Variants in NRDE2 observed in about 807,000 individuals in gnomAD.
NRDE2 encodes nuclear exosome regulator NRDE2.
Under a neutral mutation model 124.2 loss-of-function variants are expected in NRDE2, and 76 were observed. The observed-to-expected ratio is 0.61, with a 90% CI of 0.51 to 0.74. The LOEUF (loss-of-function observed/expected upper bound fraction) is 0.74. Ranked by LOEUF, NRDE2 falls within the 30% of genes least tolerant of loss-of-function variation. NRDE2 has a pLI of 0.00. For missense variants in NRDE2, 1,314 were observed against 1,417.3 expected (o/e 0.93, Z 1.17); for synonymous variants, 489 against 528.1 (o/e 0.93, Z 1.01).
intron 12 of NRDE2, chr14:90,279,598 C>T (rs544260002): frequency 1.1e-4 from 17 of 154,524 alleles, no homozygotes; most frequent in Non-Finnish European, 2.2e-4. Flanking sequence ...AAAGAGATGG[C>T]CAGGACTGTG....
chr14:90,271,925 G>A lies in NRDE2; in HGVS notation c.*6411C>T, dbSNP rs565423550. The A allele has an allele frequency of 3.5e-3, 491 of 142,254 alleles. No homozygotes were observed. Among genetic ancestry groups the A allele is most frequent in the Non-Finnish European group, 4.5e-3 (305 of 67,206 alleles). 8.8% of individuals were successfully genotyped at this position (142,254 alleles called of 1,614,324 possible). Reference sequence around the variant, plus strand: ...TTTTTTTTTTTTGAGGTAGAGTTTCGCTCGTTGCTCAGGCTAGAGTGCAGT... The same window carrying A: ...TTTTTTTTTTTTGAGGTAGAGTTTCACTCGTTGCTCAGGCTAGAGTGCAGT... On this transcript the variant is annotated 3_prime_UTR_variant, in exon 14 of 14. Transcript: ENST00000354366.
At chr14:90,304,512 G>A in intron 4 of NRDE2, 130 bp from the exon 5 acceptor site, 1 of 631,368 alleles carries the variant, frequency 1.6e-6, no homozygotes, top group Non-Finnish European at 2.7e-6. Context: ...CTCACCTTCA[G>A]ATTGTTTCTA....
chr14:90,303,911 G>T, intron 5 of NRDE2, 24 bp downstream of exon 5: 1 of 1,565,160 alleles, frequency 6.4e-7, no homozygotes, highest in Non-Finnish European at 8.7e-7. Context: ...TCTAAGGTAA[G>T]AGAATTGGGA....
intron 6 of NRDE2, 70 bp from the exon 7 acceptor site, chr14:90,301,442 A>C: frequency 1.3e-6 from 2 of 1,486,930 alleles, no homozygotes; most frequent in African/African-American, 2.8e-5. Flanking sequence ...TAACTTCTCA[A>C]AACAGGCAAT....
At position 90,268,658 on chromosome 14, in the gene NRDE2, C is replaced by G. The variant is rs559860358; in HGVS notation, c.*9678G>C. ...CTTGAGCACCCGCCCTGATCCAGGACCATCTGGACTCTAGGGACACAGTTG... is the reference window on the plus strand; with the variant it reads ...CTTGAGCACCCGCCCTGATCCAGGAGCATCTGGACTCTAGGGACACAGTTG... On this transcript the variant is annotated 3_prime_UTR_variant, in exon 14 of 14. Coordinates refer to ENST00000354366, the MANE Select transcript of NRDE2 (RefSeq NM_017970.4). 7 of 413,684 alleles carry G rather than the reference C, an allele frequency of 1.7e-5. No homozygotes were observed. Among genetic ancestry groups the G allele is most frequent in the Non-Finnish European group, 3.0e-5 (7 of 232,524 alleles). The allele number at this position is 413,684 out of a possible 1,614,324, so 25.6% of individuals were successfully genotyped here. A position where few individuals can be genotyped will look rare whatever the true frequency, so the allele number is the denominator to read the frequency against.
intron 4 of NRDE2, among the ~76,000 whole-genome samples, chr14:90,308,209 AACTG>A (rs1884688566): frequency 6.6e-6 from 1 of 152,170 alleles, no homozygotes; most frequent in Admixed American, 6.5e-5. Flanking sequence ...ATGGAGAAAA[AACTG>A]ACTGAGCTGA....
intron 13 of NRDE2, chr14:90,278,722 A>C: frequency 1.8e-6 from 1 of 540,694 alleles, no homozygotes. Context: ...CGTCGCCCTC[A>C]GTTTCACTTC....
In NRDE2 at chr14:90,279,146, G is replaced by A. The variant is rs750764430; in HGVS notation, c.3298-13C>T. ...TTCCTAAGGAAACCTGAGGTGAGGG[G>A]GAGAAAATACAAACATGATTAGTTG... On this transcript the variant is annotated splice_polypyrimidine_tract_variant and intron_variant, in intron 12 of 13. Coordinates refer to ENST00000354366, the MANE Select transcript of NRDE2 (RefSeq NM_017970.4). 9.4e-6 allele frequency: 15 copies of A among 1,594,394 alleles called. No homozygotes were observed. The highest frequency in any genetic ancestry group is 1.7e-6 in the Non-Finnish European group (2 of 1,162,074).
chr14:90,329,896 G>C (rs1229448817), intron 1 of NRDE2, among the ~76,000 whole-genome samples: 10 of 147,562 alleles, frequency 6.8e-5, no homozygotes, highest in Non-Finnish European at 4.5e-5. Context: ...AGCCTTCTTT[G>C]AACCTTCTAT....
intron 8 of NRDE2, 59 bp from the exon 9 acceptor site, chr14:90,292,931 A>G: frequency 4.6e-6 from 7 of 1,517,948 alleles, no homozygotes; most frequent in Non-Finnish European, 6.3e-6. Context: ...TCGCCACTCA[A>G]TCAGCCTGCT....
rs1595058850 is a variant in NRDE2, at chr14:90,288,998, G to T, written c.2377C>A (p.Leu793Ile). 1 of 1,613,548 alleles carries T rather than the reference G, an allele frequency of 6.2e-7. No individual in the cohort carries two copies. Among genetic ancestry groups the T allele is most frequent in the Middle Eastern group, 1.6e-4 (1 of 6,062 alleles). Residue 793 changes from leucine to isoleucine, a missense_variant, in exon 11 of 14, where the codon CTT becomes ATT. Transcript: ENST00000354366. ...TTTCTGGCATCCTCCGTGTTGCCAA[G>T]CAACCACTCCAGATGTGCATACTGC... is the stretch of plus-strand genomic sequence containing the variant. ...WKQYAHLEWLLGNTEDARKVF... is the reference protein window; with the variant it reads ...WKQYAHLEWLIGNTEDARKVF...
chr14:90,323,320 CAT>C (rs1260608977), intron 1 of NRDE2, among the ~76,000 whole-genome samples: 2 of 152,154 alleles, frequency 1.3e-5, no homozygotes, highest in South Asian at 2.1e-4. Flanking sequence ...TTCTATTACA[CAT>C]AGAGGGAGGA....
At chr14:90,300,137 C>A (rs2139686408) in intron 7 of NRDE2, among the ~76,000 whole-genome samples, 1 of 152,234 alleles carries the variant, frequency 6.6e-6, no homozygotes, top group South Asian at 2.1e-4. Flanking sequence ...GTTCTTATCA[C>A]AGAGGGTCTT....
In NRDE2 at chr14:90,312,512, G is replaced by A. The variant is rs772901284; in HGVS notation, c.439C>T (p.His147Tyr). 6.2e-7 allele frequency: 1 copy of A among 1,614,116 alleles called. No homozygotes were observed. The highest frequency in any genetic ancestry group is 1.1e-5 in the South Asian group (1 of 91,078). Reference protein sequence around the residue: ...QGNNAAADTGHRFVWLEDIQA... With the variant: ...QGNNAAADTGYRFVWLEDIQA... ...ATGTCCTCAAGCCAAACAAAGCGATGTCCAGTATCAGCTGCAGCATTATTT... is the reference window on the plus strand; with the variant it reads ...ATGTCCTCAAGCCAAACAAAGCGATATCCAGTATCAGCTGCAGCATTATTT... The change falls in exon 4 of 14, where the codon CAT becomes TAT. Residue 147 changes from histidine to tyrosine, a missense_variant. Physicochemically the swap from His to Tyr is moderately conservative, Grantham distance 83. Transcript: ENST00000354366.
chr14:90,289,831 G>C (rs1188515000), intron 10 of NRDE2, among the ~76,000 whole-genome samples: 1 of 152,134 alleles, frequency 6.6e-6, no homozygotes, highest in Non-Finnish European at 1.5e-5. Flanking sequence ...CAGGTGATCC[G>C]CCCGCCTCGG....
chr14:90,298,724 G>GGTTACAAA (rs1884276339), intron 7 of NRDE2, among the ~76,000 whole-genome samples: 1 of 152,198 alleles, frequency 6.6e-6, no homozygotes, highest in Non-Finnish European at 1.5e-5. Flanking sequence ...GGTTCAGCAA[G>GGTTACAAA]AAGGGTCTCC....
rs372528428 is a variant in NRDE2, at chr14:90,318,148, T to C, written c.65-35A>G. ...CAAAAGGAGAAAAGATCAATGAAAT[T>C]AGTTCAATATGATTCTAAAGCAGGA... is the stretch of plus-strand genomic sequence containing the variant. On this transcript the variant is annotated intron_variant, in intron 1 of 13. Coordinates refer to ENST00000354366, the MANE Select transcript of NRDE2 (RefSeq NM_017970.4). The C allele has an allele frequency of 9.4e-6, 14 of 1,495,076 alleles. No homozygotes were observed. The East Asian group carries it at 2.5e-4, about 27-fold the overall frequency. 92.6% of individuals were successfully genotyped at this position (1,495,076 alleles called of 1,614,324 possible).
chr14:90,303,265 C>A (rs1431474995), intron 5 of NRDE2, 140 bp from the exon 6 acceptor site: 2 of 746,704 alleles, frequency 2.7e-6, no homozygotes, highest in Non-Finnish European at 4.2e-6. Flanking sequence ...TAAAGAAAAC[C>A]TGGATCCTAA....
rs565546203 is a variant in NRDE2 at position 90,290,330 on chromosome 14, C to T, written c.2120G>A (p.Arg707Gln). ...ATTGCGGATGAACTCCTCGCCCTCT[C>T]GGTTCTGACCCCTGGTCCAGCGAGG... ...GYPRWTRGQN[R>Q]EGEEFIRNVF... The change falls in exon 10 of 14, where the codon CGA becomes CAA. Residue 707 changes from arginine (R) to glutamine (Q), a missense_variant. Transcript: ENST00000354366. The T allele has an allele frequency of 7.4e-6, 12 of 1,614,122 alleles. No individual in the cohort carries two copies. The highest frequency in any genetic ancestry group is 4.0e-5 in the African/African-American group (3 of 75,052).
Sources: allele counts gnomAD v4.1 joint callset (sites outside exome capture counted in the v4.1 genomes callset), GRCh38; gene constraint gnomAD v4.1.1; transcripts MANE v1.5; gene names NCBI Gene and HGNC (gene_info 2026-07-23, HGNC 2026-07-21).